Variants in EPC2 observed in about 807,000 individuals in gnomAD.
EPC2 encodes enhancer of polycomb 2.
Under a neutral mutation model 92.1 loss-of-function variants are expected in EPC2, and 14 were observed. The ratio of observed to expected loss-of-function variants is 0.15; its 90% CI spans 0.10 to 0.24. EPC2 has a LOEUF of 0.24. EPC2 is among the 10% of genes least tolerant of loss of function. The pLI is 1.00. For missense variants in EPC2, 755 were observed against 971.5 expected (o/e 0.78, Z 2.96); for synonymous variants, 340 against 334.7 (o/e 1.02, Z -0.17).
Position 148,787,264 on chromosome 2 carries a change from GTC to G in EPC2, c.*889_*890del, listed in dbSNP as rs1683887071. 1 of 150,814 alleles carries G rather than the reference GTC, an allele frequency of 6.6e-6. No homozygotes were observed. Among genetic ancestry groups the G allele is most frequent in the Non-Finnish European group, 1.5e-5 (1 of 67,660 alleles). The allele number at this position is 150,814 out of a possible 1,614,324, so 9.3% of individuals were successfully genotyped here. ...TATATCATTGCAATAATTATTGGAA[GTC>G]TAGATATCGAGCCATCCCAGGTGTT... On this transcript the variant is annotated 3_prime_UTR_variant, in exon 14 of 14. Transcript: ENST00000258484.
At chr2:148,771,955 C>T (rs570515557) in intron 10 of EPC2, among the ~76,000 whole-genome samples, 13 of 152,080 alleles carry the variant, frequency 8.5e-5, no homozygotes, top group Admixed American at 5.2e-4. Context: ...TGCACCACCA[C>T]GCCCAGCTAA....
At chr2:148,731,663 A>G (rs762948495) in intron 2 of EPC2, among the ~76,000 whole-genome samples, 1 of 152,168 alleles carries the variant, frequency 6.6e-6, no homozygotes. Context: ...CAGCCTCCCA[A>G]AGTGCTGGGA....
chr2:148,775,228 T>G (rs34695108), intron 10 of EPC2, among the ~76,000 whole-genome samples: 1 of 152,154 alleles, frequency 6.6e-6, no homozygotes, highest in African/African-American at 2.4e-5. Flanking sequence ...GTATCTGTTA[T>G]ATGCGAAACA....
At chr2:148,768,023 G>A (rs1213844090) in intron 7 of EPC2, among the ~76,000 whole-genome samples, 1 of 152,220 alleles carries the variant, frequency 6.6e-6, no homozygotes, top group East Asian at 1.9e-4. Context: ...CCCCCATAGG[G>A]TTGGTGGAGG....
chr2:148,774,747 T>TTTATGTG (rs1287892888), intron 10 of EPC2, among the ~76,000 whole-genome samples: 4 of 151,232 alleles, frequency 2.6e-5, no homozygotes, highest in African/African-American at 4.8e-5. Context: ...CAGAGATGTG[T>TTTATGTG]TTTGTTAACC....
chr2:148,763,269 A>G (rs965667197), intron 6 of EPC2, among the ~76,000 whole-genome samples: 3 of 152,090 alleles, frequency 2.0e-5, no homozygotes, highest in African/African-American at 7.2e-5. Context: ...ATTGTTATCT[A>G]CCTTGAGTGA....
intron 2 of EPC2, among the ~76,000 whole-genome samples, chr2:148,711,779 G>C (rs1682148244): frequency 6.6e-6 from 1 of 152,124 alleles, no homozygotes; most frequent in South Asian, 2.1e-4. Flanking sequence ...TTAGGCACAT[G>C]CACATTAGGG....
intron 10 of EPC2, among the ~76,000 whole-genome samples, chr2:148,779,880 G>C (rs914138140): frequency 3.9e-5 from 6 of 152,078 alleles, no homozygotes; most frequent in Non-Finnish European, 7.4e-5. Context: ...TTTTGAATTG[G>C]TGCACTGTAC....
chr2:148,710,883 T>A (rs903667596), intron 2 of EPC2, among the ~76,000 whole-genome samples: 2 of 151,864 alleles, frequency 1.3e-5, no homozygotes, highest in Non-Finnish European at 2.9e-5. Context: ...CATTAGGAGA[T>A]ACACTTAATG....
chr2:148,765,347 CTT>C (rs1490256841), intron 7 of EPC2, among the ~76,000 whole-genome samples: 2 of 152,076 alleles, frequency 1.3e-5, no homozygotes, highest in Non-Finnish European at 2.9e-5. Context: ...AGAATTTACT[CTT>C]TTGTGGAGCG....
intron 1 of EPC2, among the ~76,000 whole-genome samples, chr2:148,685,685 C>T (rs1411880742): frequency 6.6e-6 from 1 of 152,198 alleles, no homozygotes; most frequent in African/African-American, 2.4e-5. Flanking sequence ...GGCGTGAGCT[C>T]CGCTTCGGGG....
intron 2 of EPC2, among the ~76,000 whole-genome samples, chr2:148,723,729 G>A (rs533540922): frequency 1.3e-5 from 2 of 152,142 alleles, no homozygotes; most frequent in South Asian, 2.1e-4. Context: ...TTTTCCACTC[G>A]ATGTTTAGAC....
chr2:148,674,039 CTTT>C (rs1186854173), intron 1 of EPC2, among the ~76,000 whole-genome samples: 3 of 152,048 alleles, frequency 2.0e-5, no homozygotes, highest in Non-Finnish European at 4.4e-5. Context: ...TTGCCTGCTT[CTTT>C]TTTTCTTATT....
intron 2 of EPC2, among the ~76,000 whole-genome samples, chr2:148,721,206 T>C (rs746138139): frequency 6.6e-6 from 1 of 152,216 alleles, no homozygotes; most frequent in Non-Finnish European, 1.5e-5. Context: ...AGATTTCTTA[T>C]AAGGCAGGTC....
At chr2:148,770,077 G>C (rs1222571764) in intron 8 of EPC2, among the ~76,000 whole-genome samples, 1 of 152,092 alleles carries the variant, frequency 6.6e-6, no homozygotes, top group East Asian at 1.9e-4. Flanking sequence ...ACAGGGTCTT[G>C]CTCTGTCACC....
intron 2 of EPC2, among the ~76,000 whole-genome samples, chr2:148,725,487 AAC>A (rs1682475645): frequency 6.6e-6 from 1 of 152,122 alleles, no homozygotes; most frequent in African/African-American, 2.4e-5. Context: ...GGTTTTTTAA[AAC>A]ACAGACATTC....
chr2:148,783,799 T>TAC, intron 12 of EPC2, 43 bp downstream of exon 12: 1 of 1,544,828 alleles, frequency 6.5e-7, no homozygotes, highest in African/African-American at 1.4e-5. Context: ...CTTGAAGTTG[T>TAC]AACTCAGTGA....
intron 1 of EPC2, among the ~76,000 whole-genome samples, chr2:148,669,661 G>A (rs1023634149): frequency 4.6e-5 from 7 of 152,138 alleles, no homozygotes; most frequent in African/African-American, 1.7e-4. Flanking sequence ...ATCCAAAAGA[G>A]TTTGAGGGAC....
chr2:148,683,303 T>C (rs2105367749), intron 1 of EPC2, among the ~76,000 whole-genome samples: 1 of 151,832 alleles, frequency 6.6e-6, no homozygotes. Context: ...AGTCTTGCTG[T>C]GTTGCCCAGG....
Sources: allele counts gnomAD v4.1 joint callset (sites outside exome capture counted in the v4.1 genomes callset), GRCh38; gene constraint gnomAD v4.1.1; transcripts MANE v1.5; gene names NCBI Gene and HGNC (gene_info 2026-07-23, HGNC 2026-07-21).